Variants in NKIRAS1 observed in about 807,000 individuals in gnomAD.
NKIRAS1 encodes the protein NFKB inhibitor interacting Ras like 1.
In NKIRAS1, 16 loss-of-function variants were observed where a neutral mutation model predicts 19.8. The ratio of observed to expected loss-of-function variants is 0.81; its 90% confidence interval spans 0.55 to 1.23. The LOEUF is 1.23. Among genes scored for constraint, NKIRAS1 ranks in the 50% most tolerant of loss-of-function variants. The probability of loss-of-function intolerance (pLI) is 0.00; values close to 1 mark genes in which losing one functional copy is unlikely to be tolerated. For synonymous variants in NKIRAS1, 88 were observed against 79.0 expected (o/e 1.11, Z -0.61); for missense variants, 184 against 220.0 (o/e 0.84, Z 1.04).
chr3:23,946,232 C>A, intron 1 of NKIRAS1: 1 of 985,438 alleles, frequency 1.0e-6, no homozygotes, highest in Non-Finnish European at 1.2e-6. Flanking sequence ...GTGCACCGGA[C>A]GCCGCACGCT....
intron 4 of NKIRAS1, among the ~76,000 whole-genome samples, chr3:23,896,955 C>G (rs1489494489): frequency 6.6e-6 from 1 of 152,140 alleles, no homozygotes; most frequent in African/African-American, 2.4e-5. Flanking sequence ...CTCATAATCC[C>G]AGCACTTTGG....
At chr3:23,908,910 T>A (rs1343916544) in intron 3 of NKIRAS1, among the ~76,000 whole-genome samples, 1 of 151,654 alleles carries the variant, frequency 6.6e-6, no homozygotes, top group East Asian at 1.9e-4. Flanking sequence ...CTCAGGCTAG[T>A]CTCAAACTCC....
At chr3:23,898,673 T>C (rs1702217811) in intron 4 of NKIRAS1, among the ~76,000 whole-genome samples, 1 of 152,134 alleles carries the variant, frequency 6.6e-6, no homozygotes, top group Non-Finnish European at 1.5e-5. Context: ...CTCGAACTCC[T>C]GACCTCGTGA....
upstream of NKIRAS1, chr3:23,920,520 G>C (rs1348529676): frequency 2.0e-6 from 2 of 985,132 alleles, no homozygotes; most frequent in Admixed American, 6.2e-5. Context: ...TTGCATTTCT[G>C]TTTGCACCAT....
chr3:23,944,386 C>G (rs1297029228), intron 1 of NKIRAS1, among the ~76,000 whole-genome samples: 1 of 152,204 alleles, frequency 6.6e-6, no homozygotes. Flanking sequence ...TCCCCATCGC[C>G]TAAGTTTAAC....
chr3:23,942,648 G>C (rs6550820), intron 1 of NKIRAS1, among the ~76,000 whole-genome samples: 97,235 of 151,690 alleles, frequency 0.64, 31,348 homozygotes, highest in Middle Eastern at 0.73. Context: ...TCAGTCTGGT[G>C]TCAAACTCCT....
chr3:23,929,581 C>T (rs1195183612), intron 1 of NKIRAS1, among the ~76,000 whole-genome samples: 2 of 151,266 alleles, frequency 1.3e-5, no homozygotes, highest in Non-Finnish European at 2.9e-5. Flanking sequence ...TATGTGCCAC[C>T]AGACCAGGCT....
Position 23,910,890 on chromosome 3 carries a change from G to A in NKIRAS1, c.15C>T (p.Cys5=). The A allele has an allele frequency of 6.2e-7, 1 of 1,614,062 alleles. No individual in the cohort carries two copies. The highest frequency in any genetic ancestry group is 8.5e-7 in the Non-Finnish European group (1 of 1,179,968). Residue 5 remains cysteine, a synonymous_variant, in exon 3 of 5, where the codon TGC becomes TGT. Transcript: ENST00000425478. ...ATAACAATCCACAAACCACAACCTT[G>A]CAGCCCTTTCCCATCTTCTCTCAGG... The part of the protein sequence containing the change: MGKG[C]KVVVCGLLSV...
chr3:23,935,838 G>A (rs1705382132), intron 1 of NKIRAS1, among the ~76,000 whole-genome samples: 1 of 152,118 alleles, frequency 6.6e-6, no homozygotes, highest in Non-Finnish European at 1.5e-5. Context: ...CCAGCACTTT[G>A]GGAGGCCAAG....
chr3:23,928,305 A>C (rs947843968), intron 1 of NKIRAS1, among the ~76,000 whole-genome samples: 4 of 148,664 alleles, frequency 2.7e-5, no homozygotes, highest in Non-Finnish European at 5.9e-5. Context: ...TAAATAAATA[A>C]ATAAATAAAT....
chr3:23,928,810 G>A (rs538118165), intron 1 of NKIRAS1, among the ~76,000 whole-genome samples: 4 of 151,546 alleles, frequency 2.6e-5, no homozygotes, highest in South Asian at 2.1e-4. Context: ...TAGGCAACAC[G>A]GTGAAGCCCC....
At chr3:23,939,738 C>T (rs1315673259) in intron 1 of NKIRAS1, among the ~76,000 whole-genome samples, 4 of 151,966 alleles carry the variant, frequency 2.6e-5, no homozygotes, top group African/African-American at 7.3e-5. Context: ...AGCGAGACTC[C>T]GTCTCAAAAC....
chr3:23,925,641 T>A (rs570345081), intron 1 of NKIRAS1, among the ~76,000 whole-genome samples: 32 of 151,942 alleles, frequency 2.1e-4, no homozygotes, highest in East Asian at 7.7e-4. Flanking sequence ...CTCAAAAAAA[T>A]AAATAAATAA....
intron 1 of NKIRAS1, among the ~76,000 whole-genome samples, chr3:23,930,265 G>T (rs1286993510): frequency 6.6e-6 from 1 of 152,156 alleles, no homozygotes; most frequent in Non-Finnish European, 1.5e-5. Context: ...GCCATGGCGG[G>T]CTAAAGGGAT....
chr3:23,936,533 C>T (rs9875213), intron 1 of NKIRAS1, among the ~76,000 whole-genome samples: 27,713 of 152,012 alleles, frequency 0.18, 2,583 homozygotes, highest in Non-Finnish European at 0.21. Context: ...AGGTAGAGCC[C>T]GAAAAACTGC....
intron 1 of NKIRAS1, among the ~76,000 whole-genome samples, chr3:23,939,758 A>G (rs1188430818): frequency 6.6e-6 from 1 of 152,218 alleles, no homozygotes; most frequent in African/African-American, 2.4e-5. Context: ...CAAACAAACA[A>G]ACAAACAAAA....
intron 1 of NKIRAS1, chr3:23,923,720 A>G (rs1480728541): frequency 2.0e-5 from 3 of 152,238 alleles, no homozygotes; most frequent in African/African-American, 7.2e-5. Flanking sequence ...AATTGTATGT[A>G]TATAATTTTT....
upstream of NKIRAS1, chr3:23,919,217 G>A (rs758083776): frequency 1.2e-6 from 2 of 1,613,786 alleles, no homozygotes; most frequent in Non-Finnish European, 8.5e-7. Context: ...ACGCCACTGT[G>A]GGGCTCTGAG....
At chr3:23,919,419 A>G (rs554703410), upstream of NKIRAS1, 1 of 1,604,496 alleles carries the variant, frequency 6.2e-7, no homozygotes, top group South Asian at 1.1e-5. Context: ...GGAAAGGGCC[A>G]CAAGTTCCAC....
Sources: allele counts gnomAD v4.1 joint callset (sites outside exome capture counted in the v4.1 genomes callset), GRCh38; gene constraint gnomAD v4.1.1; transcripts MANE v1.5; gene names NCBI Gene and HGNC (gene_info 2026-07-23, HGNC 2026-07-21).